Variants in MBD5 observed in about 807,000 individuals in gnomAD.
MBD5 encodes methyl-CpG-binding domain protein 5.
Under a neutral mutation model 117.3 loss-of-function variants are expected in MBD5, and 13 were observed. That is an observed-to-expected ratio of 0.11 (90% CI 0.07 to 0.18). The LOEUF (loss-of-function observed/expected upper bound fraction) is 0.18. Among genes scored for constraint, MBD5 ranks in the 10% least tolerant of loss-of-function variants. The pLI is 1.00. For synonymous variants in MBD5, 727 were observed against 766.4 expected, an observed-to-expected ratio of 0.95 and a Z score of 0.85; for missense variants, 1,879 against 2,093.8, an observed-to-expected ratio of 0.90 and a Z score of 2.00.
At chr2:148,033,971 G>A (rs1423578566) in intron 1 of MBD5, among the ~76,000 whole-genome samples, 1 of 152,162 alleles carries the variant, frequency 6.6e-6, no homozygotes, top group Non-Finnish European at 1.5e-5. Context: ...GACCAACAGT[G>A]TTCGGAAAGC....
intron 12 of MBD5, among the ~76,000 whole-genome samples, chr2:148,508,443 A>G (rs1682111805): frequency 6.6e-6 from 1 of 152,128 alleles, no homozygotes; most frequent in Non-Finnish European, 1.5e-5. Context: ...ACTAGATTAA[A>G]GTATAAAAGC....
intron 4 of MBD5, among the ~76,000 whole-genome samples, chr2:148,369,689 G>A (rs975630206): frequency 1.3e-5 from 2 of 151,962 alleles, no homozygotes; most frequent in Non-Finnish European, 2.9e-5. Flanking sequence ...ACTTTTTGTT[G>A]TGATTGTTTT....
chr2:148,094,681 T>C (rs989399038), intron 1 of MBD5, among the ~76,000 whole-genome samples: 17 of 152,178 alleles, frequency 1.1e-4, no homozygotes, highest in African/African-American at 4.1e-4. Context: ...TCAGGCACAG[T>C]ACTAAAATCC....
At chr2:148,473,254 G>T (rs1217003899) in intron 8 of MBD5, among the ~76,000 whole-genome samples, 1 of 152,010 alleles carries the variant, frequency 6.6e-6, no homozygotes, top group East Asian at 1.9e-4. Flanking sequence ...CAAGAAAACT[G>T]CCCCTTATTA....
intron 2 of MBD5, among the ~76,000 whole-genome samples, chr2:148,209,718 C>T (rs1205334839): frequency 6.6e-6 from 1 of 151,966 alleles, no homozygotes; most frequent in Non-Finnish European, 1.5e-5. Flanking sequence ...GGCTTCTTAT[C>T]AGGGCCTCAG....
intron 4 of MBD5, among the ~76,000 whole-genome samples, chr2:148,360,366 C>T (rs1703498256): frequency 6.6e-6 from 1 of 151,950 alleles, no homozygotes; most frequent in African/African-American, 2.4e-5. Flanking sequence ...TGCTTCTGAC[C>T]ATTCAGTGTG....
chr2:148,356,110 G>T (rs1422098367), intron 4 of MBD5, among the ~76,000 whole-genome samples: 1 of 152,010 alleles, frequency 6.6e-6, no homozygotes, highest in Non-Finnish European at 1.5e-5. Context: ...CTCATGATTT[G>T]GCTCTTTGCT....
intron 4 of MBD5, among the ~76,000 whole-genome samples, chr2:148,386,317 C>G (rs963382889): frequency 2.0e-5 from 3 of 151,958 alleles, no homozygotes; most frequent in African/African-American, 7.3e-5. Flanking sequence ...ATTGACAAAC[C>G]TGTGGAAGTT....
In MBD5 at chr2:148,483,341, G is replaced by A. The variant is rs748689212; in HGVS notation, c.2750G>A (p.Ser917Asn). 2.5e-6 allele frequency: 4 copies of A among 1,613,966 alleles called. No individual in the cohort carries two copies. In the Admixed American group the frequency reaches 5.0e-5, roughly 20 times the overall value. Residue 917 changes from serine (S) to asparagine (N), a missense_variant, in exon 9 of 14, where the codon AGC becomes AAC. By Grantham distance (46) the Ser-to-Asn change is conservative (BLOSUM62 1). This residue lies in a region of MBD5 where 1,666 missense variants were observed against 1,792.2 expected (regional missense o/e 0.93). Transcript: ENST00000642680. ...CATCTTCCACACCCCTTGAACCCCAGCCTCCTCAGTTCTCTACCTATCTCT... is the reference window on the plus strand; with the variant it reads ...CATCTTCCACACCCCTTGAACCCCAACCTCCTCAGTTCTCTACCTATCTCT... ...NNHLPHPLNP[S>N]LLSSLPISLP...
At chr2:148,059,265 A>G (rs1479258650) in intron 1 of MBD5, among the ~76,000 whole-genome samples, 1 of 152,196 alleles carries the variant, frequency 6.6e-6, no homozygotes, top group Non-Finnish European at 1.5e-5. Flanking sequence ...AAATATTTTC[A>G]AATGTGTGAA....
intron 7 of MBD5, among the ~76,000 whole-genome samples, chr2:148,465,925 A>G (rs910659593): frequency 1.3e-5 from 2 of 152,126 alleles, no homozygotes; most frequent in Non-Finnish European, 2.9e-5. Flanking sequence ...TGCCTTTCTA[A>G]AGACCCTGGC....
chr2:148,382,821 A>G (rs1704196076), intron 4 of MBD5, among the ~76,000 whole-genome samples: 1 of 152,084 alleles, frequency 6.6e-6, no homozygotes, highest in Non-Finnish European at 1.5e-5. Flanking sequence ...CCGCTCAACT[A>G]CATGGAAACT....
At chr2:148,305,388 C>T (rs974312429) in intron 3 of MBD5, among the ~76,000 whole-genome samples, 2 of 152,186 alleles carry the variant, frequency 1.3e-5, no homozygotes, top group Non-Finnish European at 2.9e-5. Context: ...AACAATCAGG[C>T]ATTTAATGAG....
intron 4 of MBD5, chr2:148,447,889 T>C (rs1434994184): frequency 6.6e-6 from 1 of 152,182 alleles, no homozygotes; most frequent in Non-Finnish European, 1.5e-5. Context: ...ATGGCTGGTC[T>C]TACATTTTGC....
chr2:148,377,568 T>C (rs1704025434), intron 4 of MBD5, among the ~76,000 whole-genome samples: 1 of 152,220 alleles, frequency 6.6e-6, no homozygotes, highest in Non-Finnish European at 1.5e-5. Flanking sequence ...TATTACACTT[T>C]CTCTGCGTTT....
intron 1 of MBD5, among the ~76,000 whole-genome samples, chr2:148,040,934 C>G (rs1694339567): frequency 6.6e-6 from 1 of 152,066 alleles, no homozygotes; most frequent in Non-Finnish European, 1.5e-5. Flanking sequence ...TAGATGTTAT[C>G]TACCAGTGAT....
At chr2:148,155,613 G>A (rs1461217653) in intron 1 of MBD5, among the ~76,000 whole-genome samples, 1 of 151,996 alleles carries the variant, frequency 6.6e-6, no homozygotes, top group Non-Finnish European at 1.5e-5. Flanking sequence ...CTTCATTTGG[G>A]CTTTTATCAT....
rs532689127 is a variant in MBD5, at chr2:148,381,380, G to A, written c.-557+39044G>A. On this transcript the variant is annotated intron_variant, in intron 4 of 13. Coordinates refer to ENST00000642680, the MANE Select transcript of MBD5 (RefSeq NM_001378120.1). Reference sequence around the variant, plus strand: ...AGAAAGGGTATCAGCAATGGAAGATGAAATGAATGAAATGAGAAGTTTAGA... The same window carrying A: ...AGAAAGGGTATCAGCAATGGAAGATAAAATGAATGAAATGAGAAGTTTAGA... Among the ~76,000 whole-genome samples, 5 of 152,084 alleles carry A rather than the reference G, an allele frequency of 3.3e-5. No individual in the cohort carries two copies. The East Asian group carries it at 5.8e-4, about 18-fold the overall frequency.
chr2:148,075,906 A>G (rs963781526), intron 1 of MBD5, among the ~76,000 whole-genome samples: 4 of 152,176 alleles, frequency 2.6e-5, no homozygotes, highest in Non-Finnish European at 5.9e-5. Flanking sequence ...AATCGTATCC[A>G]GTTTTTTATT....
Sources: gnomAD v4.1 joint callset for allele counts (sites outside exome capture counted in the v4.1 genomes callset) on GRCh38, gnomAD v4.1.1 for gene constraint, gnomAD v4.1.1 regional missense constraint, MANE v1.5 for transcripts, NCBI Gene and HGNC (gene_info 2026-07-23, HGNC 2026-07-21) for gene names.